Variants in PNKD observed in about 807,000 individuals in gnomAD.
PNKD encodes probable thioesterase PNKD.
In PNKD, 36 loss-of-function variants were observed where a neutral mutation model predicts 45.3. The observed-to-expected ratio is 0.80, with a 90% CI of 0.61 to 1.05. The LOEUF is 1.05. Among genes scored for constraint, PNKD ranks in the 50% least tolerant of loss-of-function variants. The pLI is 0.00. For missense variants in PNKD, 511 were observed against 506.6 expected (o/e 1.01, Z -0.08); for synonymous variants, 197 against 210.1 (o/e 0.94, Z 0.54).
chr2:218,316,090 G>A (rs1693804804), intron 2 of PNKD, among the ~76,000 whole-genome samples: 2 of 152,104 alleles, frequency 1.3e-5, no homozygotes, highest in Non-Finnish European at 2.9e-5. Flanking sequence ...CCATTGAAGT[G>A]ATGCACAGTC....
chr2:218,285,361 C>G (rs977482618), intron 2 of PNKD, among the ~76,000 whole-genome samples: 1 of 152,212 alleles, frequency 6.6e-6, no homozygotes, highest in African/African-American at 2.4e-5. Context: ...CCTGAAAACA[C>G]CCTGTCTATC....
At chr2:218,279,282 G>T in intron 2 of PNKD, 1 of 1,576,446 alleles carries the variant, frequency 6.3e-7, no homozygotes, top group South Asian at 1.2e-5. Flanking sequence ...AAAGCCTAGA[G>T]ACTTACACAA....
chr2:218,338,512 A>G lies in PNKD; in HGVS notation c.237-1271A>G, dbSNP rs564830836. On this transcript the variant is annotated intron_variant, in intron 2 of 9. Transcript: ENST00000273077. ...TGGGACACGGTGGCTCACACCTGTA[A>G]TCCTAACACTTTGGGAGGCCAAGGC... Among the ~76,000 whole-genome samples, 4 of 151,848 alleles carry G rather than the reference A, an allele frequency of 2.6e-5. No individual in the cohort carries two copies. The South Asian group carries it at 6.2e-4, about 24-fold the overall frequency.
At chr2:218,323,698 T>A (rs919810580) in intron 2 of PNKD, among the ~76,000 whole-genome samples, 1 of 151,594 alleles carries the variant, frequency 6.6e-6, no homozygotes, top group Non-Finnish European at 1.5e-5. Context: ...TGAGAGGACA[T>A]CTGGAGCAAA....
intron 2 of PNKD, among the ~76,000 whole-genome samples, chr2:218,281,401 T>G (rs1336537813): frequency 6.6e-6 from 1 of 152,068 alleles, no homozygotes; most frequent in Non-Finnish European, 1.5e-5. Flanking sequence ...CCTCCCAGAG[T>G]GCTGGGATTA....
In PNKD at chr2:218,340,800, G is replaced by A. The variant is rs373580030; in HGVS notation, c.524+14G>A. 1.1e-4 allele frequency: 177 copies of A among 1,610,066 alleles called. No individual in the cohort carries two copies. The highest frequency in any genetic ancestry group is 1.8e-4 in the Admixed American group (11 of 60,002). ...TCACAAGCACTGGTAAGGGGCTCCC[G>A]TCTTCCCTGGCCCACCCTTGTCCCA... is the stretch of plus-strand genomic sequence containing the variant. On this transcript the variant is annotated intron_variant, in intron 5 of 9. Coordinates refer to ENST00000273077, the MANE Select transcript of PNKD (RefSeq NM_015488.5). This position sits in a 1 kb window ranked among gnomAD's most constrained non-coding sequence, Gnocchi z 4.2.
At chr2:218,339,949 C>A (rs759996422) in intron 3 of PNKD, 51 bp downstream of exon 3, 5 of 1,412,578 alleles carry the variant, frequency 3.5e-6, no homozygotes, top group East Asian at 4.6e-5. Context: ...CCCCCACCCT[C>A]CCCGCCTGCT....
At chr2:218,323,398 T>G in intron 2 of PNKD, 1 of 1,576,618 alleles carries the variant, frequency 6.3e-7, no homozygotes, top group Admixed American at 1.7e-5. Context: ...GGTCTGCTCA[T>G]GGCGCACAGC....
At chr2:218,272,455 C>A in intron 2 of PNKD, 1 of 933,246 alleles carries the variant, frequency 1.1e-6, no homozygotes, top group Non-Finnish European at 1.7e-6. Context: ...GATGAATAGA[C>A]TATAAGAGGT....
intron 2 of PNKD, among the ~76,000 whole-genome samples, chr2:218,328,686 GA>G (rs747121838): frequency 2.0e-5 from 3 of 152,178 alleles, no homozygotes; most frequent in Non-Finnish European, 4.4e-5. Flanking sequence ...TGATGTGAAA[GA>G]AAAAAAGTTT....
intron 2 of PNKD, among the ~76,000 whole-genome samples, chr2:218,293,558 C>T (rs1693051125): frequency 1.3e-5 from 2 of 150,866 alleles, no homozygotes; most frequent in Admixed American, 6.6e-5. Flanking sequence ...TATAGGTCAG[C>T]ACCACACCAC....
intron 2 of PNKD, among the ~76,000 whole-genome samples, chr2:218,327,573 C>G (rs775489476): frequency 6.6e-6 from 1 of 152,220 alleles, no homozygotes; most frequent in East Asian, 1.9e-4. Flanking sequence ...CTGCCTGGTT[C>G]GTCTTCAAAG....
intron 2 of PNKD, among the ~76,000 whole-genome samples, chr2:218,273,505 A>G: frequency 8.1e-6 from 1 of 123,566 alleles, no homozygotes; most frequent in African/African-American, 3.1e-5. Flanking sequence ...TTTGAGACAG[A>G]GTTTCACTCT....
intron 2 of PNKD, among the ~76,000 whole-genome samples, chr2:218,338,242 C>T (rs1694558883): frequency 6.6e-6 from 1 of 151,494 alleles, no homozygotes; most frequent in Non-Finnish European, 1.5e-5. Flanking sequence ...AGGCGGATCA[C>T]CTAAGGTCAG....
chr2:218,327,880 T>A (rs1251623294), intron 2 of PNKD: 4 of 147,562 alleles, frequency 2.7e-5, no homozygotes, highest in Non-Finnish European at 1.5e-5. Context: ...GAGAATCGCT[T>A]GAACCCAGGA....
chr2:218,277,800 G>C (rs747123384), intron 2 of PNKD: 20 of 1,544,478 alleles, frequency 1.3e-5, no homozygotes, highest in Non-Finnish European at 1.8e-5. Flanking sequence ...AGCCACAGAG[G>C]AGATCAGAAC....
At chr2:218,282,191 G>A in intron 2 of PNKD, 1 of 1,392,442 alleles carries the variant, frequency 7.2e-7, no homozygotes, top group African/African-American at 1.5e-5. Context: ...CCTGAAATGG[G>A]AGAGGAGAAA....
At chr2:218,275,411 T>C (rs1205739116) in intron 2 of PNKD, 6 of 1,555,162 alleles carry the variant, frequency 3.9e-6, no homozygotes, top group African/African-American at 2.7e-5. Context: ...ACCACAGTCA[T>C]AGGGCCCAGC....
intron 2 of PNKD, among the ~76,000 whole-genome samples, chr2:218,278,725 G>A (rs527486900): frequency 6.6e-6 from 1 of 152,336 alleles, no homozygotes; most frequent in South Asian, 2.1e-4. Flanking sequence ...CAGGGTCACT[G>A]AGATGCTCTG....
Sources: gnomAD v4.1 joint callset for allele counts (sites outside exome capture counted in the v4.1 genomes callset) on GRCh38, gnomAD v4.1.1 for gene constraint, Gnocchi (gnomAD v3.1) non-coding constraint, MANE v1.5 for transcripts, NCBI Gene and HGNC (gene_info 2026-07-23, HGNC 2026-07-21) for gene names.